Variants in TBC1D19 observed in about 807,000 individuals in gnomAD.
TBC1D19 encodes the protein TBC1 domain family, member 19.
TBC1D19 carries 60 observed loss-of-function variants against 89.0 expected under a neutral mutation model. The observed-to-expected ratio is 0.67, with a 90% confidence interval of 0.55 to 0.84. The LOEUF (loss-of-function observed/expected upper bound fraction) is 0.84. TBC1D19 is among the 40% of genes least tolerant of loss of function. The pLI is 0.00. For synonymous variants in TBC1D19, 189 were observed against 199.7 expected (o/e 0.95, Z 0.45); for missense variants, 500 against 610.8 (o/e 0.82, Z 1.91).
At chr4:26,826,817 G>A in the TBC1D19 span, among the ~76,000 whole-genome samples, 3 of 152,212 alleles carry the variant, frequency 2.0e-5, no homozygotes, top group Non-Finnish European at 2.9e-5. Flanking sequence ...GGGTGGTGAC[G>A]TAGATTCAGA....
the TBC1D19 span, among the ~76,000 whole-genome samples, chr4:26,829,803 T>G: frequency 6.6e-6 from 1 of 152,222 alleles, no homozygotes; most frequent in Non-Finnish European, 1.5e-5. Context: ...TTGTGATACA[T>G]GTGGACAAAG....
At chr4:26,810,728 C>T in the TBC1D19 span, among the ~76,000 whole-genome samples, 2 of 152,126 alleles carry the variant, frequency 1.3e-5, no homozygotes, top group South Asian at 2.1e-4. Context: ...AAGTCTGGGT[C>T]GCACGTCCCT....
chr4:26,625,622 C>CT (rs1742343663), intron 4 of TBC1D19, among the ~76,000 whole-genome samples: 1 of 152,156 alleles, frequency 6.6e-6, no homozygotes, highest in South Asian at 2.1e-4. Context: ...TGTCATGTCT[C>CT]TTTAGACTCT....
At chr4:26,605,506 G>A (rs1284021793) in intron 1 of TBC1D19, among the ~76,000 whole-genome samples, 2 of 151,822 alleles carry the variant, frequency 1.3e-5, no homozygotes, top group South Asian at 2.1e-4. Context: ...TAGTGCCGCA[G>A]AAAACATACG....
intron 15 of TBC1D19, 117 bp downstream of exon 15, chr4:26,720,242 C>A: frequency 2.7e-6 from 2 of 742,608 alleles, no homozygotes; most frequent in Non-Finnish European, 2.1e-6. Flanking sequence ...TAAAATAAAC[C>A]TTCCATAGAA....
chr4:26,794,872 A>G, the TBC1D19 span, among the ~76,000 whole-genome samples: 7 of 152,234 alleles, frequency 4.6e-5, no homozygotes, highest in Non-Finnish European at 1.0e-4. Context: ...TTCCAAATAT[A>G]TCCAGAATGT....
At chr4:26,691,845 C>A (rs1005556854) in intron 13 of TBC1D19, among the ~76,000 whole-genome samples, 1 of 152,128 alleles carries the variant, frequency 6.6e-6, no homozygotes, top group African/African-American at 2.4e-5. Context: ...TTGCCAATAA[C>A]CTCTGTACTT....
intron 16 of TBC1D19, among the ~76,000 whole-genome samples, chr4:26,737,462 G>T (rs1718115984): frequency 6.6e-6 from 1 of 151,962 alleles, no homozygotes; most frequent in Non-Finnish European, 1.5e-5. Flanking sequence ...TGAATGATTT[G>T]GAGGATACTT....
chr4:26,641,077 G>C (rs1743477089), intron 7 of TBC1D19, among the ~76,000 whole-genome samples: 1 of 152,238 alleles, frequency 6.6e-6, no homozygotes, highest in African/African-American at 2.4e-5. Flanking sequence ...TTTGAGCTCT[G>C]AGAACAGACA....
At chr4:26,740,435 G>T (rs1054548638) in intron 17 of TBC1D19, among the ~76,000 whole-genome samples, 2 of 152,126 alleles carry the variant, frequency 1.3e-5, no homozygotes, top group Non-Finnish European at 2.9e-5. Flanking sequence ...CTTTGTTAGT[G>T]AAAATCAAGT....
intron 1 of TBC1D19, among the ~76,000 whole-genome samples, chr4:26,599,328 C>G (rs190860745): frequency 6.6e-6 from 1 of 152,268 alleles, no homozygotes; most frequent in African/African-American, 2.4e-5. Flanking sequence ...AAAATTTAAT[C>G]AAGAGGGCAT....
intron 13 of TBC1D19, among the ~76,000 whole-genome samples, chr4:26,706,898 A>G (rs1196855590): frequency 6.6e-6 from 1 of 151,956 alleles, no homozygotes; most frequent in Non-Finnish European, 1.5e-5. Context: ...GCTACTTTGT[A>G]TCATCTCTGT....
At chr4:26,793,703 A>G in the TBC1D19 span, among the ~76,000 whole-genome samples, 1,242 of 147,546 alleles carry the variant, frequency 8.4e-3, 19 homozygotes, top group African/African-American at 0.03. Context: ...AGCCTGGGAG[A>G]CAGAGTGGGA....
At chr4:26,654,162 G>C (rs260939) in intron 7 of TBC1D19, among the ~76,000 whole-genome samples, 59,596 of 151,966 alleles carry the variant, frequency 0.39, 12,356 homozygotes, top group Non-Finnish European at 0.47. Flanking sequence ...TGAAATTCTG[G>C]GTTGAAAATT....
rs569386351 is a variant in TBC1D19, at chr4:26,595,796, A to G, written c.99+11504A>G. On this transcript the variant is annotated intron_variant, in intron 1 of 20. Transcript: ENST00000264866. ...TATGTGGATCTATTTCTAGGTCTCT[A>G]TTCTGTTCTGTTGATCTATTTGTCC... Among the ~76,000 whole-genome samples, 13 of 152,158 alleles carry G rather than the reference A, an allele frequency of 8.5e-5. No homozygotes were observed. In the South Asian group the frequency reaches 2.5e-3, roughly 29 times the overall value.
upstream of TBC1D19, among the ~76,000 whole-genome samples, chr4:26,579,275 A>G (rs746839306): frequency 1.3e-5 from 2 of 152,164 alleles, no homozygotes; most frequent in Non-Finnish European, 2.9e-5. Context: ...GAAACCATAC[A>G]TTCTTCTACT....
intron 9 of TBC1D19, among the ~76,000 whole-genome samples, chr4:26,671,669 C>T (rs1712322860): frequency 6.6e-6 from 1 of 151,516 alleles, no homozygotes; most frequent in African/African-American, 2.4e-5. Context: ...ATTAGATATG[C>T]TTTTATTAGA....
chr4:26,732,919 C>G (rs1382574313), intron 15 of TBC1D19, among the ~76,000 whole-genome samples: 1 of 152,122 alleles, frequency 6.6e-6, no homozygotes. Context: ...ATGGCATCAG[C>G]CTCGTAGTGA....
At chr4:26,857,537 C>G in the TBC1D19 span, 2 of 152,262 alleles carry the variant, frequency 1.3e-5, no homozygotes, top group African/African-American at 2.4e-5. Flanking sequence ...GCCGCGCCCG[C>G]CCACGCGGTG....
Sources: gnomAD v4.1 joint callset for allele counts (sites outside exome capture counted in the v4.1 genomes callset) on GRCh38, gnomAD v4.1.1 for gene constraint, MANE v1.5 for transcripts, NCBI Gene and HGNC (gene_info 2026-07-23, HGNC 2026-07-21) for gene names.